The following ABCB1 variants were observed in gnomAD, a reference collection of about 807,000 sequenced individuals.
ABCB1 encodes ATP-dependent translocase ABCB1.
Under a neutral mutation model 142.0 loss-of-function variants are expected in ABCB1, and 69 were observed. The observed-to-expected ratio is 0.49, with a 90% CI of 0.40 to 0.59. ABCB1 has a LOEUF of 0.59. Ranked by LOEUF, ABCB1 falls within the 20% of genes least tolerant of loss-of-function variation. The pLI, the probability that ABCB1 is intolerant of heterozygous loss-of-function variation, is 0.00. For synonymous variants in ABCB1, 532 were observed against 539.2 expected, an observed-to-expected ratio of 0.99 and a Z score of 0.18; for missense variants, 1,326 against 1,554.7, an observed-to-expected ratio of 0.85 and a Z score of 2.47.
At chr7:87,694,107 T>C in intron 1 of ABCB1, 3 of 1,445,946 alleles carry the variant, frequency 2.1e-6, no homozygotes, top group Non-Finnish European at 2.7e-6. Context: ...TTTGTTTTTT[T>C]TTTTTAATCC....
rs1285584408 is a variant in ABCB1 at position 87,553,764 on chromosome 7, G to A, written c.996C>T (p.Leu332=). 2 of 1,613,690 alleles carry A rather than the reference G, an allele frequency of 1.2e-6. No homozygotes were observed. The highest frequency in any genetic ancestry group is 1.7e-6 in the Non-Finnish European group (2 of 1,179,762). The change falls in exon 9 of 28, where the codon CTC becomes CTT. Residue 332 remains leucine, a synonymous_variant. Transcript: ENST00000622132. ...TTTCTCAATGTAAACCACTTACAGTGAGTACTTGTCCAATAGAATATTCCC... is the reference window on the plus strand; with the variant it reads ...TTTCTCAATGTAAACCACTTACAGTAAGTACTTGTCCAATAGAATATTCCC... ...LSGEYSIGQV[L]TVFFSVLIGA... is the part of the protein sequence containing the mutation.
At chr7:87,565,987 T>C in intron 7 of ABCB1, 83 bp downstream of exon 7, 5 of 1,431,112 alleles carry the variant, frequency 3.5e-6, no homozygotes, top group Non-Finnish European at 4.9e-6. Context: ...AGAGTCATCA[T>C]GTAGTAAAAA....
At chr7:87,619,756 G>T (rs1820159122) in intron 1 of ABCB1, among the ~76,000 whole-genome samples, 1 of 148,142 alleles carries the variant, frequency 6.8e-6, no homozygotes, top group Admixed American at 6.7e-5. Context: ...ATGTGTGTGT[G>T]TGTGTGTGTA....
rs199667669 is a variant in ABCB1, at chr7:87,626,448, CATAT to C, written c.-330-25374_-330-25371del. On this transcript the variant is annotated intron_variant, in intron 1 of 28. Transcript: ENST00000265724. Reference sequence around the variant, plus strand: ...TCATATGTATGTGTCATATATGTGTCATATATATGTGTCATATATGTGTCATATA... The same window carrying C: ...TCATATGTATGTGTCATATATGTGTCATATGTGTCATATATGTGTCATATA... Among the ~76,000 whole-genome samples, 11 of 15,140 alleles carry C rather than the reference CATAT, an allele frequency of 7.3e-4. 5 individuals carry two copies. The highest frequency in any genetic ancestry group is 9.7e-4 in the Non-Finnish European group (11 of 11,286). 9.9% of individuals were successfully genotyped at this position (15,140 alleles called of 152,430 possible).
rs539729308 is a variant in ABCB1 at position 87,503,166 on chromosome 7, T to C, written c.*1077A>G. Among the ~76,000 whole-genome samples, 7 of 152,160 alleles carry C rather than the reference T, an allele frequency of 4.6e-5. No individual in the cohort carries two copies. In the South Asian group the frequency reaches 1.5e-3, roughly 32 times the overall value. Reference sequence around the variant, plus strand: ...AGAATTACCTGATTATATCCTTTCCTATTTTTTTTTCCTGGAGGTGATGGC... The same window carrying C: ...AGAATTACCTGATTATATCCTTTCCCATTTTTTTTTCCTGGAGGTGATGGC... On this transcript the variant is annotated 3_prime_UTR_variant, in exon 28 of 28. Transcript: ENST00000622132.
chr7:87,642,368 G>A (rs1584979056), intron 1 of ABCB1, among the ~76,000 whole-genome samples: 2 of 151,886 alleles, frequency 1.3e-5, no homozygotes, highest in East Asian at 1.9e-4. Context: ...TGCTTTTAAT[G>A]TCTAGCTTAC....
intron 15 of ABCB1, 119 bp downstream of exon 15, chr7:87,545,744 C>A: frequency 9.3e-7 from 1 of 1,074,536 alleles, no homozygotes; most frequent in East Asian, 2.6e-5. Context: ...CCTGAATCCC[C>A]CAGGTGTTGT....
chr7:87,617,242 T>C (rs1820060929), intron 1 of ABCB1, among the ~76,000 whole-genome samples: 1 of 152,224 alleles, frequency 6.6e-6, no homozygotes, highest in Non-Finnish European at 1.5e-5. Flanking sequence ...TACTCAGATA[T>C]TCCCTTTAAA....
intron 17 of ABCB1, among the ~76,000 whole-genome samples, 190 bp from the exon 18 acceptor site, chr7:87,541,654 T>C (rs1816542892): frequency 2.6e-5 from 4 of 152,162 alleles, no homozygotes. Context: ...CAAGGATAGG[T>C]CTATCATTCA....
intron 1 of ABCB1, among the ~76,000 whole-genome samples, chr7:87,663,277 G>A (rs1824895099): frequency 6.6e-6 from 1 of 151,886 alleles, no homozygotes; most frequent in Non-Finnish European, 1.5e-5. Flanking sequence ...GTAAATACAA[G>A]GTTCTTTTCT....
chr7:87,702,000 A>G (rs6971865), intron 1 of ABCB1, among the ~76,000 whole-genome samples: 23,698 of 151,362 alleles, frequency 0.16, 3,138 homozygotes, highest in African/African-American at 0.37. Flanking sequence ...AAAATTAGCC[A>G]GGCGTGGTGG....
At chr7:87,647,314 C>T (rs1260274338) in intron 1 of ABCB1, among the ~76,000 whole-genome samples, 1 of 152,024 alleles carries the variant, frequency 6.6e-6, no homozygotes, top group African/African-American at 2.4e-5. Flanking sequence ...TTGTTATTGT[C>T]ATTTTCTTTG....
At chr7:87,597,386 A>G (rs1408461879) in intron 2 of ABCB1, among the ~76,000 whole-genome samples, 1 of 152,132 alleles carries the variant, frequency 6.6e-6, no homozygotes, top group Non-Finnish European at 1.5e-5. Flanking sequence ...TACCAAAGCC[A>G]TATGCTTCTT....
At chr7:87,641,699 A>G (rs1365796238) in intron 1 of ABCB1, among the ~76,000 whole-genome samples, 3 of 152,146 alleles carry the variant, frequency 2.0e-5, no homozygotes, top group Admixed American at 1.3e-4. Context: ...TCCAAAATAC[A>G]TATTGTTTTG....
At position 87,504,398 on chromosome 7, in the gene ABCB1, T is replaced by A. The variant is rs757394498; in HGVS notation, c.3688A>T (p.Ile1230Phe). 1 of 1,614,018 alleles carries A rather than the reference T, an allele frequency of 6.2e-7. No homozygotes were observed. Residue 1230 changes from isoleucine to phenylalanine, a missense_variant, in exon 28 of 28, where the codon ATT becomes TTT. Coordinates refer to ENST00000622132, the MANE Select transcript of ABCB1 (RefSeq NM_001348946.2). ...KAREGRTCIVIAHRLSTIQNA... is the reference protein window; with the variant it reads ...KAREGRTCIVFAHRLSTIQNA... ...TGGATGGTGGACAGGCGGTGAGCAA[T>A]CACAATGCAGGTGCGGCCTTCTCTG... is the stretch of plus-strand genomic sequence containing the variant.
chr7:87,567,067 A>C, intron 5 of ABCB1, 91 bp from the exon 6 acceptor site: 9 of 1,203,190 alleles, frequency 7.5e-6, no homozygotes, highest in Non-Finnish European at 1.1e-5. Flanking sequence ...TTTTTCACTT[A>C]TCTGGGTATC....
intron 27 of ABCB1, among the ~76,000 whole-genome samples, chr7:87,505,558 C>T (rs1814694279): frequency 1.3e-5 from 2 of 152,156 alleles, no homozygotes; most frequent in Admixed American, 1.3e-4. Context: ...TTAAAAGGTA[C>T]AGCCAGATTT....
intron 1 of ABCB1, among the ~76,000 whole-genome samples, chr7:87,690,651 C>T (rs977454332): frequency 1.1e-4 from 17 of 152,046 alleles, no homozygotes; most frequent in South Asian, 2.1e-4. Flanking sequence ...TCTGTTGCTT[C>T]GCTGAAAAAT....
At chr7:87,673,071 T>C (rs1017899188) in intron 1 of ABCB1, among the ~76,000 whole-genome samples, 1 of 152,368 alleles carries the variant, frequency 6.6e-6, no homozygotes, top group Admixed American at 6.5e-5. Context: ...GTAGGCTTTC[T>C]GCTGAAAGGT....
Sources: allele counts gnomAD v4.1 joint callset (sites outside exome capture counted in the v4.1 genomes callset), GRCh38; gene constraint gnomAD v4.1.1; transcripts MANE v1.5; gene names NCBI Gene and HGNC (gene_info 2026-07-23, HGNC 2026-07-21).